Variants in CRYBG1 observed in about 807,000 individuals in gnomAD.
CRYBG1 encodes the protein crystallin beta-gamma domain containing 1, also known as beta/gamma crystallin domain-containing protein 1.
Under a neutral mutation model 189.2 loss-of-function variants are expected in CRYBG1, and 139 were observed. The observed-to-expected ratio is 0.73, with a 90% confidence interval of 0.64 to 0.85. CRYBG1 has a LOEUF of 0.85. CRYBG1 is among the 40% of genes least tolerant of loss of function. CRYBG1 has a pLI of 0.00. For synonymous variants in CRYBG1, 1,023 were observed against 1,017.1 expected, an observed-to-expected ratio of 1.01 and a Z score of -0.11; for missense variants, 2,611 against 2,675.8, an observed-to-expected ratio of 0.98 and a Z score of 0.53.
intron 1 of CRYBG1, among the ~76,000 whole-genome samples, chr6:106,443,044 C>T (rs899538425): frequency 1.3e-5 from 2 of 152,132 alleles, no homozygotes; most frequent in African/African-American, 4.8e-5. Flanking sequence ...GCAGGAGACA[C>T]TCAGTAGCAG....
rs1775030932 is a variant in CRYBG1, at chr6:106,570,593, A to G, written c.*2027A>G. Reference sequence around the variant, plus strand: ...TAATAGCAAGAAAGATTTGCTGACCACTCTCTTTCCAAACTCCATAGTTTC... The same window carrying G: ...TAATAGCAAGAAAGATTTGCTGACCGCTCTCTTTCCAAACTCCATAGTTTC... On this transcript the variant is annotated 3_prime_UTR_variant, in exon 22 of 22. Transcript: ENST00000633556. 1 of 151,912 alleles carries G rather than the reference A, an allele frequency of 6.6e-6. No homozygotes were observed. The highest frequency in any genetic ancestry group is 1.5e-5 in the Non-Finnish European group (1 of 67,980). 9.4% of individuals were successfully genotyped at this position (151,912 alleles called of 1,614,324 possible).
chr6:106,468,335 A>G (rs1481133857), intron 2 of CRYBG1, among the ~76,000 whole-genome samples: 5 of 152,178 alleles, frequency 3.3e-5, no homozygotes, highest in African/African-American at 1.2e-4. Context: ...TAGCACAGTT[A>G]AGGGAAGGGC....
At chr6:106,558,103 C>T (rs1318351997) in intron 17 of CRYBG1, among the ~76,000 whole-genome samples, 2 of 152,192 alleles carry the variant, frequency 1.3e-5, no homozygotes, top group Non-Finnish European at 2.9e-5. Flanking sequence ...ACATCAGATG[C>T]CACAGCCCTC....
At chr6:106,529,763 G>A (rs914752096) in intron 7 of CRYBG1, among the ~76,000 whole-genome samples, 2 of 152,124 alleles carry the variant, frequency 1.3e-5, no homozygotes, top group Non-Finnish European at 1.5e-5. Flanking sequence ...AGGGCTTATG[G>A]ACACAAAACA....
chr6:106,510,546 C>A (rs936613286), intron 2 of CRYBG1, among the ~76,000 whole-genome samples: 2 of 152,232 alleles, frequency 1.3e-5, no homozygotes, highest in African/African-American at 4.8e-5. Flanking sequence ...ATAGGTGGGC[C>A]GGCCCCTGGG....
intron 1 of CRYBG1, among the ~76,000 whole-genome samples, chr6:106,406,347 T>A (rs878875419): frequency 6.6e-6 from 1 of 151,780 alleles, no homozygotes; most frequent in African/African-American, 2.4e-5. Context: ...TGAAAAGAAA[T>A]GAACAAAGCC....
intron 2 of CRYBG1, among the ~76,000 whole-genome samples, chr6:106,473,129 G>A (rs568944083): frequency 2.0e-5 from 3 of 152,234 alleles, no homozygotes; most frequent in East Asian, 3.9e-4. Context: ...AATAAAATGG[G>A]CTTGGAGTGA....
At position 106,425,608 on chromosome 6, in the gene CRYBG1, G is replaced by A. The variant is rs139815963; in HGVS notation, c.174-26086G>A. Among the ~76,000 whole-genome samples, 173 of 152,282 alleles carry A rather than the reference G, an allele frequency of 1.1e-3. 1 individual carries two copies. Among genetic ancestry groups the A allele is most frequent in the African/African-American group, 3.9e-3 (162 of 41,566 alleles). On this transcript the variant is annotated intron_variant, in intron 1 of 21. Transcript: ENST00000633556. ...CAATGTGACTGGAGAAAAGTTCACA[G>A]CTATGTTGACTGGTTTCACTTTATC...
rs141132738 is a variant in CRYBG1 at position 106,487,773 on chromosome 6, A to G, written c.313-23657A>G. On this transcript the variant is annotated intron_variant, in intron 2 of 21. Transcript: ENST00000633556. ...TATTTCACTGAGTTTCCTTAAGATC[A>G]TCATTTTGAATTCTTTTTCAGGGAT... is the stretch of plus-strand genomic sequence containing the variant. 2.3e-3 allele frequency among the ~76,000 whole-genome samples: 347 copies of G among 152,294 alleles called. 1 individual carries two copies. The highest frequency in any genetic ancestry group is 8.9e-3 in the East Asian group (46 of 5,184).
intron 1 of CRYBG1, among the ~76,000 whole-genome samples, chr6:106,370,978 A>G (rs890189393): frequency 6.6e-6 from 1 of 152,196 alleles, no homozygotes; most frequent in African/African-American, 2.4e-5. Flanking sequence ...GGTTTCTACT[A>G]TAATTAGTAC....
intron 8 of CRYBG1, among the ~76,000 whole-genome samples, chr6:106,533,865 G>A (rs181415048): frequency 6.6e-6 from 1 of 152,178 alleles, no homozygotes; most frequent in Non-Finnish European, 1.5e-5. Flanking sequence ...GGAGAGGCTG[G>A]AGGCATAAAT....
rs199602218 is a variant in CRYBG1, at chr6:106,558,162, G to A, written c.5716-324G>A. 2.9e-4 allele frequency among the ~76,000 whole-genome samples: 3 copies of A among 10,406 alleles called. No individual in the cohort carries two copies. In the Non-Finnish European group the frequency reaches 3.2e-3, roughly 11 times the overall value. 6.8% of individuals were successfully genotyped at this position (10,406 alleles called of 152,430 possible). ...GACTTTCCAGCCCCTCCTTGTCCCA[G>A]TGAAAATGGCTAAGTCAAAAATAAA... On this transcript the variant is annotated intron_variant, in intron 17 of 21. Coordinates refer to ENST00000633556, the MANE Select transcript of CRYBG1 (RefSeq NM_001371242.2).
rs562073254 is a variant in CRYBG1 at position 106,548,278 on chromosome 6, G to A, written c.5312+3345G>A. Among the ~76,000 whole-genome samples the A allele has an allele frequency of 4.6e-5, 7 of 152,204 alleles. No individual in the cohort carries two copies. In the East Asian group the frequency reaches 9.7e-4, roughly 21 times the overall value. ...AGAGAATCTCAGATCTGGGTTTTGCGGCTTCTCCCCTCCCCCACTCCCCCC... is the reference window on the plus strand; with the variant it reads ...AGAGAATCTCAGATCTGGGTTTTGCAGCTTCTCCCCTCCCCCACTCCCCCC... On this transcript the variant is annotated intron_variant, in intron 13 of 21. Coordinates refer to ENST00000633556, the MANE Select transcript of CRYBG1 (RefSeq NM_001371242.2).
intron 2 of CRYBG1, among the ~76,000 whole-genome samples, chr6:106,463,761 A>G (rs1036959881): frequency 6.6e-6 from 1 of 152,174 alleles, no homozygotes; most frequent in African/African-American, 2.4e-5. Context: ...GTTTATTCCC[A>G]TGACTACTGA....
intron 1 of CRYBG1, among the ~76,000 whole-genome samples, chr6:106,414,435 A>T (rs1770984965): frequency 6.6e-6 from 1 of 152,252 alleles, no homozygotes; most frequent in Non-Finnish European, 1.5e-5. Flanking sequence ...AAGTTCTCCC[A>T]AGAATTGGAG....
intron 21 of CRYBG1, among the ~76,000 whole-genome samples, chr6:106,567,712 A>G (rs1377881698): frequency 6.6e-6 from 1 of 152,182 alleles, no homozygotes; most frequent in Non-Finnish European, 1.5e-5. Flanking sequence ...CCCTTTTGTT[A>G]ATGATACTTC....
intron 1 of CRYBG1, among the ~76,000 whole-genome samples, chr6:106,416,820 G>T (rs1465659349): frequency 6.6e-6 from 1 of 152,116 alleles, no homozygotes; most frequent in Non-Finnish European, 1.5e-5. Context: ...AAAAAGAACA[G>T]TGTATAGTCT....
rs111621999 is a variant in CRYBG1, at chr6:106,505,572, T to C, written c.313-5858T>C. Among the ~76,000 whole-genome samples, 1,357 of 152,202 alleles carry C rather than the reference T, an allele frequency of 8.9e-3. 25 individuals carry two copies. The highest frequency in any genetic ancestry group is 0.031 in the African/African-American group (1,301 of 41,538). Reference sequence around the variant, plus strand: ...TTCTCCTTTTTCTCCCCCTTCCCCATTCCCCATCTTCGTTCTTTAGTTAGC... The same window carrying C: ...TTCTCCTTTTTCTCCCCCTTCCCCACTCCCCATCTTCGTTCTTTAGTTAGC... On this transcript the variant is annotated intron_variant, in intron 2 of 21. Transcript: ENST00000633556.
At position 106,571,219 on chromosome 6, in the gene CRYBG1, T is replaced by C. The variant is rs1775050765; in HGVS notation, c.*2653T>C. The C allele has an allele frequency of 6.6e-6, 1 of 152,218 alleles. No individual in the cohort carries two copies. The highest frequency in any genetic ancestry group is 1.5e-5 in the Non-Finnish European group (1 of 68,036). 9.4% of individuals were successfully genotyped at this position (152,218 alleles called of 1,614,324 possible). A position where few individuals can be genotyped will look rare whatever the true frequency, so the allele number is the denominator to read the frequency against. On this transcript the variant is annotated 3_prime_UTR_variant, in exon 22 of 22. Coordinates refer to ENST00000633556, the MANE Select transcript of CRYBG1 (RefSeq NM_001371242.2). ...ATAAACAAATGAATCACCAGGCAGA[T>C]TTTTATATATGACACTAAGAGATTT... is the stretch of plus-strand genomic sequence containing the variant.
Sources: allele counts gnomAD v4.1 joint callset (sites outside exome capture counted in the v4.1 genomes callset), GRCh38; gene constraint gnomAD v4.1.1; transcripts MANE v1.5; gene names NCBI Gene and HGNC (gene_info 2026-07-23, HGNC 2026-07-21).